Variants in ZNF516 observed in about 807,000 individuals in gnomAD.
ZNF516 encodes zinc finger protein 516.
Under a neutral mutation model 79.7 loss-of-function variants are expected in ZNF516, and 19 were observed. The observed-to-expected ratio is 0.24, with a 90% CI of 0.17 to 0.35. ZNF516 has a LOEUF of 0.35. ZNF516 is among the 10% of genes least tolerant of loss of function. The probability of loss-of-function intolerance (pLI) is 1.00; values close to 1 mark genes in which losing one functional copy is unlikely to be tolerated. For missense variants in ZNF516, 1,678 were observed against 1,679.5 expected (o/e 1.00, Z 0.02); for synonymous variants, 877 against 739.5 (o/e 1.19, Z -3.02).
chr18:76,371,348 C>T lies in ZNF516; in HGVS notation c.3364+119G>A, dbSNP rs1176143029. 7 of 1,047,002 alleles carry T rather than the reference C, an allele frequency of 6.7e-6. No individual in the cohort carries two copies. The African/African-American group carries it at 7.9e-5, about 12-fold the overall frequency. The allele number at this position is 1,047,002 out of a possible 1,614,324, so 64.9% of individuals were successfully genotyped here. On this transcript the variant is annotated intron_variant, in intron 5 of 6. Coordinates refer to ENST00000443185, the MANE Select transcript of ZNF516 (RefSeq NM_014643.4). ...TCCCGGAGGCAGATGGCAGGCCCCC[C>T]GCCGCCTGGTAGGGGCTGAAATCTC... is the stretch of plus-strand genomic sequence containing the variant.
At chr18:76,491,262 A>C (rs190739627) in intron 1 of ZNF516, among the ~76,000 whole-genome samples, 8,922 of 66,894 alleles carry the variant, frequency 0.13, 364 homozygotes, top group Middle Eastern at 0.18. Flanking sequence ...TCCGGACCGG[A>C]CCCGCCCCCC....
chr18:76,460,720 A>C (rs1913046821), intron 2 of ZNF516, among the ~76,000 whole-genome samples: 1 of 152,218 alleles, frequency 6.6e-6, no homozygotes, highest in Non-Finnish European at 1.5e-5. Flanking sequence ...GAATTGTGCA[A>C]GTCATGTCAG....
upstream of ZNF516, chr18:76,495,720 G>A (rs1256117771): frequency 1.7e-6 from 2 of 1,182,814 alleles, no homozygotes; most frequent in Non-Finnish European, 1.1e-6. Flanking sequence ...TGCGGGTCCC[G>A]CCGGCGGGTA....
At chr18:76,460,837 G>T (rs952916680) in intron 2 of ZNF516, among the ~76,000 whole-genome samples, 2 of 152,216 alleles carry the variant, frequency 1.3e-5, no homozygotes, top group Non-Finnish European at 2.9e-5. Context: ...CTTGTTCATG[G>T]CGGGTAATTA....
rs371045915 is a variant in ZNF516, at chr18:76,402,939, G to A, written c.1811-22636C>T. On this transcript the variant is annotated intron_variant, in intron 3 of 6. Transcript: ENST00000443185. ...GATCCACTGGTTGTGCCACAGAGTC[G>A]AAGCTAGTCGAAGCTACAGGGCTGA... Among the ~76,000 whole-genome samples, 401 of 152,326 alleles carry A rather than the reference G, an allele frequency of 2.6e-3. 2 individuals are homozygous for A. The highest frequency in any genetic ancestry group is 0.02 in the Middle Eastern group (6 of 294).
chr18:76,420,463 G>A (rs986893300), intron 3 of ZNF516, among the ~76,000 whole-genome samples: 3 of 152,160 alleles, frequency 2.0e-5, no homozygotes, highest in African/African-American at 7.2e-5. Flanking sequence ...TAAAGTACTA[G>A]ACTATAAGGA....
intron 3 of ZNF516, chr18:76,389,235 C>T (rs1255978826): frequency 6.6e-6 from 1 of 151,800 alleles, no homozygotes. Context: ...AAGGCCAGAA[C>T]CTGGCCTAAA....
chr18:76,444,027 C>G (rs1010603686), intron 2 of ZNF516, among the ~76,000 whole-genome samples: 5 of 152,242 alleles, frequency 3.3e-5, no homozygotes, highest in Non-Finnish European at 5.9e-5. Flanking sequence ...CAGCACGGAA[C>G]AGGCCCCCAC....
chr18:76,441,741 G>T lies in ZNF516; in HGVS notation c.1314C>A (p.Ala438=). The change falls in exon 3 of 7, where the codon GCC becomes GCA. Residue 438 remains alanine, a synonymous_variant. Transcript: ENST00000443185. The part of the protein sequence containing the change: ...AEPAEYLKYG[A]WDEALAGDVA... ...CGTCCCCGGCCAGCGCCTCGTCCCA[G>T]GCCCCGTACTTGAGGTACTCGGCCG... The T allele has an allele frequency of 6.4e-7, 1 of 1,572,914 alleles. No homozygotes were observed.
At chr18:76,378,480 T>C (rs959433447) in intron 4 of ZNF516, among the ~76,000 whole-genome samples, 2 of 152,208 alleles carry the variant, frequency 1.3e-5, no homozygotes, top group African/African-American at 2.4e-5. Flanking sequence ...ACGGATTCTG[T>C]TTAAAATGAC....
Position 76,480,530 on chromosome 18 carries a change from T to TATATA in ZNF516, c.-272+14613_-272+14614insTATAT, listed in dbSNP as rs755045197. Reference sequence around the variant, plus strand: ...ACACACACACACACACACACATATATTTTTTTTTTTGAGACGGAGTCTTGC... The same window carrying TATATA: ...ACACACACACACACACACACATATATATATATTTTTTTTTTGAGACGGAGTCTTGC... On this transcript the variant is annotated intron_variant, in intron 1 of 6. Transcript: ENST00000443185. Among the ~76,000 whole-genome samples, 28 of 23,402 alleles carry TATATA rather than the reference T, an allele frequency of 1.2e-3. 2 individuals are homozygous for TATATA. In the South Asian group the frequency reaches 0.018, roughly 15 times the overall value. The allele number at this position is 23,402 out of a possible 152,430, so 15.4% of individuals were successfully genotyped here. A position where few individuals can be genotyped will look rare whatever the true frequency, so the allele number is the denominator to read the frequency against.
In ZNF516 at chr18:76,492,524, A is replaced by G. The variant is rs938663870; in HGVS notation, c.-272+2620T>C. The stretch of plus-strand genomic sequence containing the variant: ...CATCAACTCCCAGTGAGAAAATCAC[A>G]TGTGAAGTTGGAAGACACATGCTGC... On this transcript the variant is annotated intron_variant, in intron 1 of 6. Transcript: ENST00000443185. 1.4e-5 allele frequency: 5 copies of G among 364,678 alleles called. No individual in the cohort carries two copies. The South Asian group carries it at 3.3e-4, about 24-fold the overall frequency. The allele number at this position is 364,678 out of a possible 1,614,324, so 22.6% of individuals were successfully genotyped here.
intron 1 of ZNF516, chr18:76,490,548 G>T (rs1428220998): frequency 6.1e-6 from 1 of 164,310 alleles, no homozygotes; most frequent in Non-Finnish European, 1.3e-5. Context: ...TATTAATAAG[G>T]TGGTTTTTAA....
rs1250545246 is a variant in ZNF516 at position 76,443,193 on chromosome 18, A to G, written c.-139T>C. On this transcript the variant is annotated 5_prime_UTR_variant, in exon 3 of 7. Transcript: ENST00000443185. ...GGTGCACCTTCTACATGGGGGGCGCAGCAGCTGGCAGCCAGCACCTGAAAC... is the reference window on the plus strand; with the variant it reads ...GGTGCACCTTCTACATGGGGGGCGCGGCAGCTGGCAGCCAGCACCTGAAAC... 3.1e-6 allele frequency: 4 copies of G among 1,277,528 alleles called. No homozygotes were observed. The highest frequency in any genetic ancestry group is 4.1e-6 in the Non-Finnish European group (4 of 964,248). 79.1% of individuals were successfully genotyped at this position (1,277,528 alleles called of 1,614,324 possible).
intron 3 of ZNF516, among the ~76,000 whole-genome samples, chr18:76,403,612 C>G (rs374749855): frequency 7.9e-5 from 12 of 152,170 alleles, no homozygotes; most frequent in African/African-American, 1.7e-4. Flanking sequence ...AATACAAGAT[C>G]TAGAGTTTCA....
chr18:76,481,776 T>C (rs1035858681), intron 1 of ZNF516, among the ~76,000 whole-genome samples: 10 of 152,246 alleles, frequency 6.6e-5, no homozygotes, highest in African/African-American at 2.2e-4. Context: ...GAACTAGTTA[T>C]TGAGGCATTT....
At chr18:76,377,318 A>G (rs1193973636) in intron 4 of ZNF516, among the ~76,000 whole-genome samples, 2 of 152,384 alleles carry the variant, frequency 1.3e-5, no homozygotes, top group East Asian at 3.9e-4. Flanking sequence ...GCCTCATCCT[A>G]AAAAGTTCAC....
chr18:76,441,577 A>G lies in ZNF516; in HGVS notation c.1478T>C (p.Leu493Pro). The stretch of plus-strand genomic sequence containing the variant: ...GGGGCGCGCGGCCGAGCGGGGATCG[A>G]GGTGGCCGGCGGGCGCGGGGTCCCC... Reference protein sequence around the residue: ...GPGDPAPAGHLDPRSAARPNR... With the variant: ...GPGDPAPAGHPDPRSAARPNR... The change falls in exon 3 of 7, where the codon CTC becomes CCC. Residue 493 changes from leucine to proline, a missense_variant. Physicochemically the swap from Leu to Pro is moderately conservative, Grantham distance 98 (BLOSUM62 -3). Coordinates refer to ENST00000443185, the MANE Select transcript of ZNF516 (RefSeq NM_014643.4). The G allele has an allele frequency of 6.9e-7, 1 of 1,451,410 alleles. No individual in the cohort carries two copies. Among genetic ancestry groups the G allele is most frequent in the Non-Finnish European group, 9.0e-7 (1 of 1,106,462 alleles). The allele number at this position is 1,451,410 out of a possible 1,614,324, so 89.9% of individuals were successfully genotyped here. A position where few individuals can be genotyped will look rare whatever the true frequency, so the allele number is the denominator to read the frequency against.
chr18:76,469,290 G>A (rs978039808), intron 1 of ZNF516, among the ~76,000 whole-genome samples: 4 of 152,078 alleles, frequency 2.6e-5, no homozygotes, highest in Non-Finnish European at 5.9e-5. Flanking sequence ...AGGATTTGCA[G>A]TCCTATTTTT....
Sources: allele counts gnomAD v4.1 joint callset (sites outside exome capture counted in the v4.1 genomes callset), GRCh38; gene constraint gnomAD v4.1.1; transcripts MANE v1.5; gene names NCBI Gene and HGNC (gene_info 2026-07-23, HGNC 2026-07-21).